The following GPC5 variants were observed in gnomAD, a reference collection of about 807,000 sequenced individuals.
GPC5 encodes the protein glypican 5, also known as glypican-5.
Under a neutral mutation model 53.9 loss-of-function variants are expected in GPC5, and 47 were observed. The observed-to-expected ratio is 0.87, with a 90% CI of 0.69 to 1.11. GPC5 has a LOEUF of 1.11. GPC5 is among the 50% of genes most tolerant of loss of function. GPC5 has a pLI of 0.00. For synonymous variants in GPC5, 286 were observed against 263.3 expected (o/e 1.09, Z -0.84); for missense variants, 748 against 713.1 (o/e 1.05, Z -0.56).
intron 7 of GPC5, among the ~76,000 whole-genome samples, chr13:92,434,663 C>T (rs1877230378): frequency 6.6e-6 from 1 of 152,020 alleles, no homozygotes; most frequent in Non-Finnish European, 1.5e-5. Context: ...AAGGTAATAT[C>T]CCTTTGCAGT....
chr13:91,921,003 T>A (rs1594664651), intron 6 of GPC5, among the ~76,000 whole-genome samples: 1 of 137,948 alleles, frequency 7.2e-6, no homozygotes, highest in South Asian at 2.5e-4. Flanking sequence ...ACTGGTGGGA[T>A]CCTGACTCTC....
intron 7 of GPC5, among the ~76,000 whole-genome samples, chr13:92,849,489 A>C (rs1192402709): frequency 6.6e-6 from 1 of 152,212 alleles, no homozygotes; most frequent in Non-Finnish European, 1.5e-5. Context: ...TTAAGCTCTA[A>C]GGATTAGCTG....
chr13:92,388,241 A>G (rs1003928478), intron 7 of GPC5, among the ~76,000 whole-genome samples: 20 of 152,102 alleles, frequency 1.3e-4, no homozygotes, highest in East Asian at 1.9e-4. Flanking sequence ...TGAAAAATAA[A>G]AAGAAATTGA....
chr13:91,975,834 C>A (rs1014162376), intron 6 of GPC5, among the ~76,000 whole-genome samples: 2 of 152,070 alleles, frequency 1.3e-5, no homozygotes, highest in Non-Finnish European at 2.9e-5. Flanking sequence ...ATGTTTATTG[C>A]GGCACTATTC....
At chr13:91,400,849 AC>A (rs1358550736) in intron 1 of GPC5, among the ~76,000 whole-genome samples, 1 of 152,204 alleles carries the variant, frequency 6.6e-6, no homozygotes, top group African/African-American at 2.4e-5. Context: ...ACAGTGTCTT[AC>A]CAGGATGTCA....
At chr13:92,133,861 T>G (rs567775988) in intron 6 of GPC5, among the ~76,000 whole-genome samples, 1 of 152,290 alleles carries the variant, frequency 6.6e-6, no homozygotes, top group African/African-American at 2.4e-5. Context: ...ATACATGTTT[T>G]TTTCTGTCCG....
At chr13:91,619,541 C>T (rs1050573396) in intron 2 of GPC5, among the ~76,000 whole-genome samples, 2 of 152,202 alleles carry the variant, frequency 1.3e-5, no homozygotes, top group African/African-American at 4.8e-5. Context: ...ATTGGTTCCA[C>T]AGCTCTTACT....
chr13:92,237,526 G>A (rs960494544), intron 7 of GPC5, among the ~76,000 whole-genome samples: 4 of 151,918 alleles, frequency 2.6e-5, no homozygotes, highest in African/African-American at 9.7e-5. Context: ...ACAGTCTTGT[G>A]TTTTTAAATT....
chr13:92,663,917 C>CAA (rs1491218515), intron 7 of GPC5, among the ~76,000 whole-genome samples: 18 of 123,326 alleles, frequency 1.5e-4, no homozygotes, highest in Non-Finnish European at 2.3e-4. Context: ...CACACACACA[C>CAA]AAAAATTAGC....
At chr13:91,616,573 T>C (rs550190946) in intron 2 of GPC5, among the ~76,000 whole-genome samples, 1 of 152,264 alleles carries the variant, frequency 6.6e-6, no homozygotes, top group South Asian at 2.1e-4. Context: ...CTTGTAATTT[T>C]CCCTGCTGAA....
intron 7 of GPC5, among the ~76,000 whole-genome samples, chr13:92,172,959 A>G (rs377091889): frequency 1.6e-4 from 24 of 151,154 alleles, no homozygotes; most frequent in African/African-American, 5.8e-4. Context: ...ATTTGACTAT[A>G]CCTGTTAACA....
At chr13:91,426,725 C>T (rs932226567) in intron 1 of GPC5, among the ~76,000 whole-genome samples, 1 of 152,170 alleles carries the variant, frequency 6.6e-6, no homozygotes, top group Non-Finnish European at 1.5e-5. Context: ...TATTCCTCTG[C>T]CTGCTTTTAT....
chr13:92,307,869 C>T (rs2043121155), intron 7 of GPC5, among the ~76,000 whole-genome samples: 1 of 152,242 alleles, frequency 6.6e-6, no homozygotes, highest in African/African-American at 2.4e-5. Flanking sequence ...GCCCCCTTTT[C>T]TCACTATCTA....
chr13:91,786,314 A>G (rs1476301779), intron 5 of GPC5, among the ~76,000 whole-genome samples: 2 of 152,158 alleles, frequency 1.3e-5, no homozygotes, highest in African/African-American at 2.4e-5. Context: ...TCTATTTCTC[A>G]GAATAAACTT....
At chr13:92,800,439 C>A (rs572091102) in intron 7 of GPC5, among the ~76,000 whole-genome samples, 1 of 151,948 alleles carries the variant, frequency 6.6e-6, no homozygotes, top group South Asian at 2.1e-4. Flanking sequence ...AAGCATGTCC[C>A]AGCAATTCAT....
At chr13:92,402,956 A>G (rs973332523) in intron 7 of GPC5, among the ~76,000 whole-genome samples, 2 of 152,166 alleles carry the variant, frequency 1.3e-5, no homozygotes, top group African/African-American at 4.8e-5. Flanking sequence ...TTCTCTAAAG[A>G]AGAATTGACT....
intron 7 of GPC5, among the ~76,000 whole-genome samples, chr13:92,610,679 T>G (rs1413643771): frequency 1.3e-5 from 2 of 152,168 alleles, no homozygotes; most frequent in Non-Finnish European, 2.9e-5. Context: ...TGACTCATAG[T>G]TCAGCATGGC....
At chr13:92,591,831 T>A (rs1338370493) in intron 7 of GPC5, among the ~76,000 whole-genome samples, 1 of 152,110 alleles carries the variant, frequency 6.6e-6, no homozygotes, top group Non-Finnish European at 1.5e-5. Context: ...TCTATATGAG[T>A]GAGATCTTTG....
intron 6 of GPC5, among the ~76,000 whole-genome samples, chr13:92,119,390 GT>G (rs386380215): frequency 0.017 from 1,134 of 65,624 alleles, 2 homozygotes; most frequent in African/African-American, 0.063. Flanking sequence ...TAGGATTTTA[GT>G]TTTTTTTTTT....
Sources: gnomAD v4.1 joint callset for allele counts (sites outside exome capture counted in the v4.1 genomes callset) on GRCh38, gnomAD v4.1.1 for gene constraint, MANE v1.5 for transcripts, NCBI Gene and HGNC (gene_info 2026-07-23, HGNC 2026-07-21) for gene names.